The following IL1RN variants were observed in gnomAD, a reference collection of about 807,000 sequenced individuals.
The protein encoded by IL1RN is interleukin 1 receptor antagonist, also known as interleukin-1 receptor antagonist protein.
Under a neutral mutation model 13.7 loss-of-function variants are expected in IL1RN, and 10 were observed. That is an observed-to-expected ratio of 0.73 (90% confidence interval 0.45 to 1.24). The LOEUF (loss-of-function observed/expected upper bound fraction) is 1.24, where lower values mean the gene tolerates loss of function less well. Among genes scored for constraint, IL1RN ranks in the 50% most tolerant of loss-of-function variants. IL1RN has a pLI of 0.00. For missense variants in IL1RN, 213 were observed against 222.1 expected, an observed-to-expected ratio of 0.96 and a Z score of 0.26; for synonymous variants, 102 against 82.7, an observed-to-expected ratio of 1.23 and a Z score of -1.27.
At chr2:113,125,609 T>C (rs1372325167), upstream of IL1RN, among the ~76,000 whole-genome samples, 1 of 152,250 alleles carries the variant, frequency 6.6e-6, no homozygotes, top group Non-Finnish European at 1.5e-5. Context: ...ATTAACTCTC[T>C]GGACACAAAG....
At chr2:113,126,014 T>C (rs1028511748), upstream of IL1RN, among the ~76,000 whole-genome samples, 6 of 152,160 alleles carry the variant, frequency 3.9e-5, no homozygotes, top group Non-Finnish European at 7.3e-5. Flanking sequence ...GTCAGGTTGG[T>C]CTTGAACTCC....
chr2:113,127,570 T>C, upstream of IL1RN: 1 of 1,600,438 alleles, frequency 6.2e-7, no homozygotes, highest in Non-Finnish European at 8.5e-7. Context: ...TATTTCTTTA[T>C]AAACCACAAC....
rs755404284 is a variant in IL1RN at position 113,131,025 on chromosome 2, TC to T, written c.206-16del. ...GCTTCCTCTTCTATTAACCTGACCC[TC>T]CCCTCTGTTCTTCCCCAGAAAAGAT... On this transcript the variant is annotated intron_variant, in intron 2 of 3. Coordinates refer to ENST00000409930, the MANE Select transcript of IL1RN (RefSeq NM_173842.3). 2.8e-5 allele frequency: 41 copies of T among 1,448,368 alleles called. No individual in the cohort carries two copies. The highest frequency in any genetic ancestry group is 5.8e-6 in the Non-Finnish European group (6 of 1,028,552). The allele number at this position is 1,448,368 out of a possible 1,614,324, so 89.7% of individuals were successfully genotyped here. A position where few individuals can be genotyped will look rare whatever the true frequency, so the allele number is the denominator to read the frequency against.
At chr2:113,100,281 G>A in the IL1RN span, among the ~76,000 whole-genome samples, 45 of 148,134 alleles carry the variant, frequency 3.0e-4, no homozygotes, top group Admixed American at 2.8e-3. Context: ...AGCCGAGATC[G>A]CACCACTGCA....
At chr2:113,099,696 C>T in the IL1RN span, among the ~76,000 whole-genome samples, 1 of 148,726 alleles carries the variant, frequency 6.7e-6, no homozygotes, top group East Asian at 1.9e-4. Flanking sequence ...CTCCTATCCG[C>T]CATTTTTCCT....
chr2:113,128,171 A>T (rs1031829778), intron 1 of IL1RN, among the ~76,000 whole-genome samples: 1 of 152,250 alleles, frequency 6.6e-6, no homozygotes, highest in East Asian at 1.9e-4. Flanking sequence ...CGTCTGTGAC[A>T]TCTGTGACAT....
chr2:113,114,796 G>T (rs1282967483), upstream of IL1RN, among the ~76,000 whole-genome samples: 1 of 152,156 alleles, frequency 6.6e-6, no homozygotes, highest in Non-Finnish European at 1.5e-5. Flanking sequence ...CACGGTGCTT[G>T]CTGTGACCTG....
chr2:113,109,058 C>A (rs897864205), upstream of IL1RN, among the ~76,000 whole-genome samples: 11 of 151,982 alleles, frequency 7.2e-5, no homozygotes, highest in African/African-American at 2.7e-4. Context: ...AAAACAATAG[C>A]AACCACCAAC....
intron 1 of IL1RN, among the ~76,000 whole-genome samples, chr2:113,111,840 G>T (rs1264606871): frequency 1.3e-5 from 2 of 152,260 alleles, no homozygotes; most frequent in African/African-American, 4.8e-5. Context: ...TCCCTTACTT[G>T]CAGAGGCAAA....
chr2:113,115,727 A>G (rs1238479918), upstream of IL1RN: 1 of 152,192 alleles, frequency 6.6e-6, no homozygotes, highest in Middle Eastern at 3.1e-3. Context: ...TAAGCCACTG[A>G]TCCATCAGAA....
chr2:113,114,719 C>T (rs745869133), upstream of IL1RN, among the ~76,000 whole-genome samples: 1 of 151,738 alleles, frequency 6.6e-6, no homozygotes, highest in Non-Finnish European at 1.5e-5. Context: ...GTGGTGGTTT[C>T]CCATTTATTT....
intron 1 of IL1RN, among the ~76,000 whole-genome samples, chr2:113,129,252 C>T (rs1012182177): frequency 6.6e-6 from 1 of 152,182 alleles, no homozygotes; most frequent in Non-Finnish European, 1.5e-5. Context: ...TTTTGCATCC[C>T]AGAAAGTTCT....
upstream of IL1RN, among the ~76,000 whole-genome samples, chr2:113,114,766 A>G (rs192866977): frequency 6.6e-6 from 1 of 152,268 alleles, no homozygotes; most frequent in East Asian, 1.9e-4. Flanking sequence ...AGCTGGAGAT[A>G]TAAGAGTAAA....
upstream of IL1RN, among the ~76,000 whole-genome samples, chr2:113,115,244 G>A (rs1413912820): frequency 1.3e-5 from 2 of 152,110 alleles, no homozygotes; most frequent in East Asian, 3.9e-4. Flanking sequence ...CCCCTGGCTG[G>A]AATGAAGGGA....
rs1234704741 is a variant in IL1RN at position 113,120,176 on chromosome 2, G to T, written c.73+48G>T. On this transcript the variant is annotated intron_variant, in intron 2 of 5. Coordinates refer to the IL1RN transcript ENST00000259206. ...GTTTGAAAACAATTTTAGGCTACTA[G>T]ATATGAACAACATCTTGATTATGTA... 4.8e-6 allele frequency: 6 copies of T among 1,251,748 alleles called. No homozygotes were observed. The Admixed American group carries it at 8.4e-5, about 18-fold the overall frequency. The allele number at this position is 1,251,748 out of a possible 1,614,324, so 77.5% of individuals were successfully genotyped here. A position where few individuals can be genotyped will look rare whatever the true frequency, so the allele number is the denominator to read the frequency against.
upstream of IL1RN, among the ~76,000 whole-genome samples, chr2:113,103,996 G>GTT (rs112148416): frequency 9.3e-4 from 136 of 146,166 alleles, 1 homozygote; most frequent in East Asian, 6.0e-3. Flanking sequence ...ATCAAGGGGT[G>GTT]TTTTTTTTTT....
chr2:113,129,223 C>A (rs1317035445), intron 1 of IL1RN, among the ~76,000 whole-genome samples: 1 of 152,208 alleles, frequency 6.6e-6, no homozygotes, highest in African/African-American at 2.4e-5. Flanking sequence ...CCCTATTGGG[C>A]AGTGCAGCTA....
At chr2:113,111,406 G>C (rs1174255863) in intron 1 of IL1RN, among the ~76,000 whole-genome samples, 1 of 152,202 alleles carries the variant, frequency 6.6e-6, no homozygotes. Context: ...CTGTGCCTCA[G>C]TTTATTTGTC....
At chr2:113,112,760 T>C (rs1686523089) in intron 1 of IL1RN, among the ~76,000 whole-genome samples, 1 of 152,208 alleles carries the variant, frequency 6.6e-6, no homozygotes, top group Non-Finnish European at 1.5e-5. Context: ...TATGCTGTAA[T>C]GTAGTTTTCT....
Sources: allele counts gnomAD v4.1 joint callset (sites outside exome capture counted in the v4.1 genomes callset), GRCh38; gene constraint gnomAD v4.1.1; transcripts MANE v1.5; gene names NCBI Gene and HGNC (gene_info 2026-07-23, HGNC 2026-07-21).